Variants in DYNLL1 observed in about 807,000 individuals in gnomAD.
DYNLL1 encodes the protein dynein light chain 1, cytoplasmic.
DYNLL1 carries 3 observed loss-of-function variants against 10.1 expected under a neutral mutation model. The observed-to-expected ratio is 0.30, with a 90% CI of 0.14 to 0.77. The LOEUF (loss-of-function observed/expected upper bound fraction) is 0.77, where lower values mean the gene tolerates loss of function less well. Ranked by LOEUF, DYNLL1 falls within the 30% of genes least tolerant of loss-of-function variation. DYNLL1 has a pLI of 0.66. For missense variants in DYNLL1, 47 were observed against 111.7 expected (o/e 0.42, Z 2.61); for synonymous variants, 46 against 41.2 (o/e 1.12, Z -0.45).
In DYNLL1 at chr12:120,487,457, C is replaced by T. The variant is rs773413757; in HGVS notation, c.-6-8959C>T. Among the ~76,000 whole-genome samples, 56 of 151,588 alleles carry T rather than the reference C, an allele frequency of 3.7e-4. 1 individual carries two copies. Among genetic ancestry groups the T allele is most frequent in the Admixed American group, 6.6e-4 (10 of 15,180 alleles). The stretch of plus-strand genomic sequence containing the variant: ...GACTACAGGCGCCCACCACCACACC[C>T]GGCTAATTTTGTTTTTGTATTTTTA... On this transcript the variant is annotated intron_variant, in intron 1 of 2. Transcript: ENST00000392509.
chr12:120,498,083 A>G lies in DYNLL1; in HGVS notation c.143A>G (p.Lys48Arg). Residue 48 changes from lysine (K) to arginine (R), a missense_variant, in exon 3 of 3, where the codon AAG becomes AGG. Coordinates refer to ENST00000242577, the MANE Select transcript of DYNLL1 (RefSeq NM_003746.3). ...IAAHIKKEFD[K>R]KYNPTWHCIV... ...TTTTGTCTTTTCCAGGAATTTGACA[A>G]GAAGTACAATCCCACCTGGCATTGC... The G allele has an allele frequency of 6.2e-7, 1 of 1,613,422 alleles. No individual in the cohort carries two copies. Among genetic ancestry groups the G allele is most frequent in the Admixed American group, 1.7e-5 (1 of 59,778 alleles).
At chr12:120,486,291 T>C (rs1036308321) in intron 1 of DYNLL1, among the ~76,000 whole-genome samples, 1 of 152,110 alleles carries the variant, frequency 6.6e-6, no homozygotes, top group Non-Finnish European at 1.5e-5. Context: ...TGGAGTTTCT[T>C]GGGGGAAGTG....
upstream of DYNLL1, among the ~76,000 whole-genome samples, chr12:120,492,378 G>T (rs1879154032): frequency 6.6e-6 from 1 of 152,106 alleles, no homozygotes; most frequent in Admixed American, 6.5e-5. The surrounding 1 kb of genome is among the most constrained non-coding windows in gnomAD (Gnocchi z 4.1). Context: ...GACCAGCCTG[G>T]CCAACATGGT....
intron 1 of DYNLL1, among the ~76,000 whole-genome samples, chr12:120,489,783 T>C (rs1879079912): frequency 1.3e-5 from 2 of 152,002 alleles, no homozygotes; most frequent in Non-Finnish European, 2.9e-5. Context: ...AGTCTCTCTC[T>C]GTCACCCAGA....
At chr12:120,472,212 G>A (rs1284147295) in intron 1 of DYNLL1, among the ~76,000 whole-genome samples, 1 of 151,900 alleles carries the variant, frequency 6.6e-6, no homozygotes, top group East Asian at 1.9e-4. Flanking sequence ...CAAATGTTGT[G>A]GTTGTGGAGA....
chr12:120,476,096 G>C (rs964087937), intron 1 of DYNLL1, among the ~76,000 whole-genome samples: 1 of 145,806 alleles, frequency 6.9e-6, no homozygotes, highest in African/African-American at 2.4e-5. Flanking sequence ...CAAAGGGTAG[G>C]GGGGTGTGAA....
chr12:120,497,813 TAAC>T (rs1868504403), intron 2 of DYNLL1: 2 of 451,902 alleles, frequency 4.4e-6, no homozygotes, highest in African/African-American at 2.0e-5. Context: ...ATTACCATAA[TAAC>T]AAAACACCCT....
chr12:120,479,405 G>A (rs1324353280), intron 1 of DYNLL1, among the ~76,000 whole-genome samples: 2 of 127,616 alleles, frequency 1.6e-5, no homozygotes, highest in Non-Finnish European at 3.1e-5. Flanking sequence ...GGTCAGCTGA[G>A]ATCACACCAT....
intron 1 of DYNLL1, among the ~76,000 whole-genome samples, chr12:120,479,983 G>C (rs888322774): frequency 1.3e-5 from 2 of 152,134 alleles, no homozygotes; most frequent in African/African-American, 4.8e-5. Flanking sequence ...TAAAGGGGTG[G>C]CATGATCAGT....
At chr12:120,474,157 G>C (rs530766054) in intron 1 of DYNLL1, among the ~76,000 whole-genome samples, 1 of 151,890 alleles carries the variant, frequency 6.6e-6, no homozygotes, top group South Asian at 2.1e-4. Context: ...AAAATTAGCT[G>C]GGCATGGTGG....
chr12:120,493,490 G>A (rs187836936), upstream of DYNLL1, among the ~76,000 whole-genome samples: 9 of 151,652 alleles, frequency 5.9e-5, no homozygotes, highest in South Asian at 4.2e-4. Flanking sequence ...CAGTCTGGGC[G>A]ACAGAGTGAG....
chr12:120,482,478 G>A (rs1035316674), intron 1 of DYNLL1, among the ~76,000 whole-genome samples: 3 of 151,770 alleles, frequency 2.0e-5, no homozygotes, highest in Admixed American at 6.6e-5. Context: ...GCCTGCCACC[G>A]TGCCCGGCTA....
intron 1 of DYNLL1, among the ~76,000 whole-genome samples, chr12:120,480,738 CT>C (rs1878861638): frequency 6.6e-6 from 1 of 151,634 alleles, no homozygotes; most frequent in African/African-American, 2.4e-5. Context: ...CCCATTATGC[CT>C]TTTGTTCCAC....
intron 2 of DYNLL1, 103 bp from the exon 3 acceptor site, chr12:120,497,970 C>T: frequency 8.6e-7 from 1 of 1,167,658 alleles, no homozygotes; most frequent in Non-Finnish European, 1.2e-6. Flanking sequence ...TTTGCAGATG[C>T]TGACGTTCCT....
chr12:120,491,370 C>CTCCCA (rs1879123896), upstream of DYNLL1: 1 of 152,770 alleles, frequency 6.5e-6, no homozygotes, highest in Non-Finnish European at 1.5e-5. Context: ...CAGCCCTTCT[C>CTCCCA]CATGGGGTGG....
chr12:120,483,066 A>G, intron 1 of DYNLL1, among the ~76,000 whole-genome samples: 1 of 152,022 alleles, frequency 6.6e-6, no homozygotes, highest in Non-Finnish European at 1.5e-5. Context: ...AAGGCCAGGC[A>G]CGGTGGCTTA....
chr12:120,495,455 C>T (rs1035750802), upstream of DYNLL1: 1 of 152,180 alleles, frequency 6.6e-6, no homozygotes, highest in Non-Finnish European at 1.5e-5. Flanking sequence ...AACACCCTCC[C>T]TCCTTGAAGC....
chr12:120,495,720 T>C (rs1320977239), upstream of DYNLL1: 1 of 150,598 alleles, frequency 6.6e-6, no homozygotes, highest in Non-Finnish European at 1.5e-5. Flanking sequence ...GGGGCAGGAA[T>C]GGCCACCAAC....
intron 1 of DYNLL1, among the ~76,000 whole-genome samples, chr12:120,474,324 A>G (rs1463343840): frequency 6.6e-6 from 1 of 152,084 alleles, no homozygotes; most frequent in Non-Finnish European, 1.5e-5. Context: ...CCTTCTTTTC[A>G]CCAAACTGAA....
Sources: allele counts gnomAD v4.1 joint callset (sites outside exome capture counted in the v4.1 genomes callset), GRCh38; gene constraint gnomAD v4.1.1; non-coding constraint Gnocchi (gnomAD v3.1); transcripts MANE v1.5; gene names NCBI Gene and HGNC (gene_info 2026-07-23, HGNC 2026-07-21).